Variants in ITFG1 observed in about 807,000 individuals in gnomAD.
ITFG1 encodes integrin alpha FG-GAP repeat containing 1.
Under a neutral mutation model 81.8 loss-of-function variants are expected in ITFG1, and 34 were observed. The observed-to-expected ratio is 0.42, with a 90% confidence interval of 0.32 to 0.55. The LOEUF is 0.55. Ranked by LOEUF, ITFG1 falls within the 20% of genes least tolerant of loss-of-function variation. The pLI is 0.17. For synonymous variants in ITFG1, 285 were observed against 270.6 expected, an observed-to-expected ratio of 1.05 and a Z score of -0.52; for missense variants, 672 against 755.4, an observed-to-expected ratio of 0.89 and a Z score of 1.29.
At chr16:47,300,430 G>A (rs111250896) in intron 10 of ITFG1, among the ~76,000 whole-genome samples, 1 of 152,294 alleles carries the variant, frequency 6.6e-6, no homozygotes, top group African/African-American at 2.4e-5. Context: ...AGAAGGTCCA[G>A]TTCTTCACAC....
At chr16:47,198,926 A>C (rs967441310) in intron 14 of ITFG1, among the ~76,000 whole-genome samples, 1 of 152,230 alleles carries the variant, frequency 6.6e-6, no homozygotes, top group Admixed American at 6.5e-5. Context: ...CAAGGTAAAG[A>C]AGTTACAGTA....
At chr16:47,425,585 GCTC>G (rs1317453230) in intron 6 of ITFG1, among the ~76,000 whole-genome samples, 92 of 144,290 alleles carry the variant, frequency 6.4e-4, no homozygotes, top group Admixed American at 1.4e-3. Context: ...TGGAAGTGAC[GCTC>G]CTTTTTTTTT....
At chr16:47,376,677 C>T (rs1968328561) in intron 6 of ITFG1, among the ~76,000 whole-genome samples, 2 of 152,146 alleles carry the variant, frequency 1.3e-5, no homozygotes, top group African/African-American at 2.4e-5. Context: ...AATAACATTA[C>T]TGTTTTATGC....
At chr16:47,330,279 A>G (rs931368908) in intron 8 of ITFG1, among the ~76,000 whole-genome samples, 10 of 152,126 alleles carry the variant, frequency 6.6e-5, no homozygotes, top group Admixed American at 2.0e-4. Flanking sequence ...CTCTTACCAT[A>G]TATAAAAAAG....
intron 14 of ITFG1, among the ~76,000 whole-genome samples, chr16:47,195,700 C>T (rs1367392054): frequency 1.3e-5 from 2 of 152,072 alleles, no homozygotes; most frequent in African/African-American, 4.8e-5. Flanking sequence ...GTCTGATAGC[C>T]TTTATTTCTC....
chr16:47,451,161 G>A lies in ITFG1; in HGVS notation c.560+235C>T, dbSNP rs528503774. 9.9e-5 allele frequency among the ~76,000 whole-genome samples: 15 copies of A among 152,242 alleles called. 1 individual carries two copies. The highest frequency in any genetic ancestry group is 3.4e-4 in the African/African-American group (14 of 41,560). On this transcript the variant is annotated intron_variant, in intron 5 of 17. Coordinates refer to ENST00000320640, the MANE Select transcript of ITFG1 (RefSeq NM_030790.5). ...ACATTTAATGAACCAATATTTAAATGGGGACCCGTAAAGTTTCAATCTCTA... is the reference window on the plus strand; with the variant it reads ...ACATTTAATGAACCAATATTTAAATAGGGACCCGTAAAGTTTCAATCTCTA...
chr16:47,242,814 A>T (rs2151535747), intron 12 of ITFG1, among the ~76,000 whole-genome samples: 1 of 152,288 alleles, frequency 6.6e-6, no homozygotes, highest in Non-Finnish European at 1.5e-5. Context: ...AATCTGTGGT[A>T]TTGGAAATTA....
At chr16:47,439,941 A>G (rs1384928125) in intron 5 of ITFG1, among the ~76,000 whole-genome samples, 3 of 152,240 alleles carry the variant, frequency 2.0e-5, no homozygotes, top group Non-Finnish European at 2.9e-5. Flanking sequence ...CAGGAAACTC[A>G]TCTCACGTGC....
chr16:47,319,983 G>A lies in ITFG1; in HGVS notation c.803-6160C>T, dbSNP rs557408270. 1.6e-4 allele frequency among the ~76,000 whole-genome samples: 25 copies of A among 152,116 alleles called. No homozygotes were observed. The East Asian group carries it at 4.3e-3, about 26-fold the overall frequency. Reference sequence around the variant, plus strand: ...GTCACCCAGGCTGGAGTGCAGTGGCGCCATCTCCGCTCACTGCAACTTTCG... The same window carrying A: ...GTCACCCAGGCTGGAGTGCAGTGGCACCATCTCCGCTCACTGCAACTTTCG... On this transcript the variant is annotated intron_variant, in intron 8 of 17. Transcript: ENST00000320640.
intron 6 of ITFG1, among the ~76,000 whole-genome samples, chr16:47,383,886 G>A (rs1026161013): frequency 5.9e-5 from 9 of 152,182 alleles, no homozygotes; most frequent in East Asian, 3.9e-4. Flanking sequence ...CCTGGGCAAC[G>A]AGAGCAAAAC....
At chr16:47,384,977 A>G (rs544267431) in intron 6 of ITFG1, among the ~76,000 whole-genome samples, 5 of 152,326 alleles carry the variant, frequency 3.3e-5, no homozygotes, top group Admixed American at 2.6e-4. Flanking sequence ...CTATGTGGTA[A>G]TGGCTCTGCT....
At chr16:47,324,853 G>A (rs1411034639) in intron 8 of ITFG1, among the ~76,000 whole-genome samples, 7 of 152,086 alleles carry the variant, frequency 4.6e-5, no homozygotes, top group East Asian at 1.9e-4. Flanking sequence ...AGTGACCTAC[G>A]AAGAGACTTA....
chr16:47,280,928 C>T (rs556852186), intron 10 of ITFG1, among the ~76,000 whole-genome samples: 4 of 152,230 alleles, frequency 2.6e-5, no homozygotes, highest in Non-Finnish European at 4.4e-5. Flanking sequence ...CAAAAAAGGC[C>T]ATGCTTGTGA....
intron 9 of ITFG1, 130 bp from the exon 10 acceptor site, chr16:47,311,542 T>C (rs993020633): frequency 3.5e-6 from 2 of 572,770 alleles, no homozygotes; most frequent in South Asian, 3.5e-5. Context: ...CTCTACAATA[T>C]GGTAGGGGAT....
At chr16:47,234,852 T>C (rs1294439565) in intron 13 of ITFG1, among the ~76,000 whole-genome samples, 1 of 152,174 alleles carries the variant, frequency 6.6e-6, no homozygotes, top group East Asian at 1.9e-4. Context: ...GGAAGGTAAC[T>C]GAATCACAGG....
chr16:47,348,070 T>A (rs184227371), intron 8 of ITFG1, among the ~76,000 whole-genome samples: 1 of 152,032 alleles, frequency 6.6e-6, no homozygotes, highest in Non-Finnish European at 1.5e-5. Context: ...TACGTCACCA[T>A]CATCAAAGAC....
At chr16:47,421,309 C>T (rs934453762) in intron 6 of ITFG1, among the ~76,000 whole-genome samples, 2 of 146,904 alleles carry the variant, frequency 1.4e-5, no homozygotes, top group African/African-American at 2.6e-5. Flanking sequence ...CACACACATA[C>T]ATATTTTTTT....
At chr16:47,221,831 A>G (rs959916093) in intron 13 of ITFG1, among the ~76,000 whole-genome samples, 1 of 152,088 alleles carries the variant, frequency 6.6e-6, no homozygotes, top group Admixed American at 6.5e-5. Context: ...ATGTGTCGAG[A>G]AATTTATCCA....
intron 8 of ITFG1, among the ~76,000 whole-genome samples, chr16:47,328,638 T>C (rs553369814): frequency 2.2e-4 from 34 of 152,276 alleles, no homozygotes; most frequent in Non-Finnish European, 3.1e-4. Context: ...ATTCTTATTT[T>C]CTACCAAGCA....
Sources: allele counts gnomAD v4.1 joint callset (sites outside exome capture counted in the v4.1 genomes callset), GRCh38; gene constraint gnomAD v4.1.1; transcripts MANE v1.5; gene names NCBI Gene and HGNC (gene_info 2026-07-23, HGNC 2026-07-21).